The following RHOU variants were observed in gnomAD, a reference collection of about 807,000 sequenced individuals.
RHOU encodes ras homolog family member U.
A neutral mutation model predicts 12.6 loss-of-function variants in RHOU; 8 were observed. That is an observed-to-expected ratio of 0.64 (90% CI 0.37 to 1.15). RHOU has a LOEUF of 1.15. Among genes scored for constraint, RHOU ranks in the 50% most tolerant of loss-of-function variants. The probability of loss-of-function intolerance (pLI) is 0.01; values close to 1 mark genes in which losing one functional copy is unlikely to be tolerated. For missense variants in RHOU, 258 were observed against 347.0 expected (o/e 0.74, Z 2.04); for synonymous variants, 161 against 147.4 (o/e 1.09, Z -0.67).
chr1:228,664,121 T>A, the RHOU span, among the ~76,000 whole-genome samples: 1 of 151,158 alleles, frequency 6.6e-6, no homozygotes, highest in African/African-American at 2.4e-5. Context: ...CGGGCTCGCG[T>A]GATCTCCCAC....
the RHOU span, among the ~76,000 whole-genome samples, chr1:228,663,625 C>CTTTTTTTTTTT: frequency 1.3e-3 from 75 of 58,774 alleles, 1 homozygote; most frequent in Non-Finnish European, 1.5e-3. Context: ...CTTTTCTTTT[C>CTTTTTTTTTTT]TTTTTTTTTT....
chr1:228,657,063 G>A, the RHOU span, among the ~76,000 whole-genome samples: 6 of 151,958 alleles, frequency 3.9e-5, no homozygotes, highest in Non-Finnish European at 8.8e-5. Context: ...ATCACCTGAG[G>A]TCAGGAGTTC....
chr1:228,728,133 G>A, the RHOU span, among the ~76,000 whole-genome samples: 1 of 152,212 alleles, frequency 6.6e-6, no homozygotes. Context: ...TGCAACAGCT[G>A]AGAAGACCCA....
At chr1:228,725,887 G>T in the RHOU span, among the ~76,000 whole-genome samples, 2 of 152,152 alleles carry the variant, frequency 1.3e-5, no homozygotes, top group East Asian at 1.9e-4. Context: ...ATAAAAAAAT[G>T]ATTTCAAATC....
At chr1:228,647,254 C>T in the RHOU span, among the ~76,000 whole-genome samples, 1 of 152,126 alleles carries the variant, frequency 6.6e-6, no homozygotes, top group East Asian at 1.9e-4. Context: ...TTCGTAGGCT[C>T]CATTCTTTCT....
chr1:228,698,656 C>G, the RHOU span, among the ~76,000 whole-genome samples: 1 of 152,334 alleles, frequency 6.6e-6, no homozygotes, highest in East Asian at 1.9e-4. Context: ...ACAAATCATG[C>G]CCATCCAGAA....
chr1:228,695,128 C>A, the RHOU span, among the ~76,000 whole-genome samples: 2 of 152,040 alleles, frequency 1.3e-5, no homozygotes, highest in Non-Finnish European at 2.9e-5. Flanking sequence ...CACTACCACA[C>A]CCGATTAATT....
At position 228,737,057 on chromosome 1, in the gene RHOU, G is replaced by T. The variant is rs1662626492; in HGVS notation, c.263-616G>T. Among the ~76,000 whole-genome samples, 1 of 151,894 alleles carries T rather than the reference G, an allele frequency of 6.6e-6. No homozygotes were observed. Among genetic ancestry groups the T allele is most frequent in the Non-Finnish European group, 1.5e-5 (1 of 68,002 alleles). On this transcript the variant is annotated intron_variant, in intron 1 of 2. Transcript: ENST00000366691. The surrounding 1 kb of genome is among the most constrained non-coding windows in gnomAD (Gnocchi z 4.1). ...AGAAACCTCCACAACATGTCCTGCT[G>T]CAGGCCTCTCCACACTCCCCGAGTC...
chr1:228,679,508 A>G, the RHOU span, among the ~76,000 whole-genome samples: 2 of 151,836 alleles, frequency 1.3e-5, no homozygotes, highest in Non-Finnish European at 2.9e-5. Flanking sequence ...TATTGAGGAT[A>G]GGAGAATATA....
chr1:228,680,983 C>T, the RHOU span, among the ~76,000 whole-genome samples: 22 of 152,124 alleles, frequency 1.4e-4, no homozygotes, highest in Non-Finnish European at 2.8e-4. Flanking sequence ...TGATTATCAG[C>T]GTGAGATTGG....
At chr1:228,697,165 A>G in the RHOU span, among the ~76,000 whole-genome samples, 5 of 152,158 alleles carry the variant, frequency 3.3e-5, no homozygotes, top group Non-Finnish European at 5.9e-5. Flanking sequence ...TGAATATGCT[A>G]TGTTCTTGTC....
At chr1:228,648,270 C>A in the RHOU span, among the ~76,000 whole-genome samples, 1 of 152,236 alleles carries the variant, frequency 6.6e-6, no homozygotes, top group African/African-American at 2.4e-5. Context: ...CTCGCTGGAC[C>A]TCCGCGGCGC....
At chr1:228,696,119 G>C in the RHOU span, among the ~76,000 whole-genome samples, 1 of 152,022 alleles carries the variant, frequency 6.6e-6, no homozygotes, top group Non-Finnish European at 1.5e-5. Flanking sequence ...AAGAAAGCCT[G>C]TTTTGAACAA....
the RHOU span, among the ~76,000 whole-genome samples, chr1:228,716,498 C>CA: frequency 6.6e-6 from 1 of 152,188 alleles, no homozygotes; most frequent in Non-Finnish European, 1.5e-5. Context: ...AGCTCACCAT[C>CA]ACCATTTATT....
the RHOU span, among the ~76,000 whole-genome samples, chr1:228,725,008 G>A: frequency 6.6e-6 from 1 of 152,148 alleles, no homozygotes; most frequent in Admixed American, 6.5e-5. Context: ...TTCTTGCCTG[G>A]CAGTCTTTCT....
chr1:228,678,310 C>A, the RHOU span, among the ~76,000 whole-genome samples: 10 of 152,130 alleles, frequency 6.6e-5, no homozygotes, highest in Admixed American at 2.6e-4. Context: ...TTCCTTGGTC[C>A]AAGAACCATT....
At chr1:228,698,854 A>C in the RHOU span, among the ~76,000 whole-genome samples, 1 of 152,228 alleles carries the variant, frequency 6.6e-6, no homozygotes, top group African/African-American at 2.4e-5. Context: ...ATCTTTCACA[A>C]ATAAAAGTAT....
chr1:228,736,151 C>T (rs929202343), intron 1 of RHOU, 147 bp downstream of exon 1: 8 of 757,592 alleles, frequency 1.1e-5, no homozygotes, highest in African/African-American at 1.9e-5. Flanking sequence ...ATGAGGAGTG[C>T]AGGACGTTTC....
In RHOU at chr1:228,737,710, A is replaced by G. The variant is rs780498585; in HGVS notation, c.300A>G (p.Gln100=). The part of the protein sequence containing the change: ...VSVDGRPVRL[Q]LCDTAGQDEF... The stretch of plus-strand genomic sequence containing the variant: ...TGGATGGGCGGCCCGTGAGACTCCA[A>G]CTCTGTGACACTGCCGGACAGGTCA... The change falls in exon 2 of 3, where the codon CAA becomes CAG. Residue 100 remains glutamine (Q), a synonymous_variant. Transcript: ENST00000366691. This position sits in a 1 kb window ranked among gnomAD's most constrained non-coding sequence, Gnocchi z 4.1. 6.2e-7 allele frequency: 1 copy of G among 1,614,040 alleles called. No homozygotes were observed. The highest frequency in any genetic ancestry group is 1.7e-5 in the Admixed American group (1 of 60,016).
Sources: gnomAD v4.1 joint callset for allele counts (sites outside exome capture counted in the v4.1 genomes callset) on GRCh38, gnomAD v4.1.1 for gene constraint, Gnocchi (gnomAD v3.1) non-coding constraint, MANE v1.5 for transcripts, NCBI Gene and HGNC (gene_info 2026-07-23, HGNC 2026-07-21) for gene names.